Variants in EML4 observed in about 807,000 individuals in gnomAD.
EML4 encodes echinoderm microtubule-associated protein-like 4.
A neutral mutation model predicts 129.0 loss-of-function variants in EML4; 72 were observed. The observed-to-expected ratio is 0.56, with a 90% confidence interval of 0.46 to 0.68. EML4 has a LOEUF of 0.68. EML4 is among the 30% of genes least tolerant of loss of function. The probability of loss-of-function intolerance (pLI) is 0.00; values close to 1 mark genes in which losing one functional copy is unlikely to be tolerated. For synonymous variants in EML4, 532 were observed against 405.0 expected, an observed-to-expected ratio of 1.31 and a Z score of -3.77; for missense variants, 1,363 against 1,190.6, an observed-to-expected ratio of 1.14 and a Z score of -2.13.
At chr2:42,181,520 AAAC>A (rs1197794931) in intron 1 of EML4, among the ~76,000 whole-genome samples, 1 of 151,982 alleles carries the variant, frequency 6.6e-6, no homozygotes, top group Admixed American at 6.5e-5. Context: ...GGCTGGTCTC[AAAC>A]TCCTGACCTC....
intron 1 of EML4, among the ~76,000 whole-genome samples, chr2:42,221,084 C>G (rs1431466121): frequency 1.3e-5 from 2 of 152,124 alleles, no homozygotes; most frequent in East Asian, 3.8e-4. Context: ...AGCAGGTTAT[C>G]TAGAAGATTT....
intron 1 of EML4, among the ~76,000 whole-genome samples, chr2:42,182,478 A>G (rs1239000154): frequency 6.6e-6 from 1 of 151,444 alleles, no homozygotes; most frequent in African/African-American, 2.4e-5. Flanking sequence ...CTAAACTGAC[A>G]CCCCGTACTG....
At chr2:42,275,528 A>T (rs1666608065) in intron 6 of EML4, among the ~76,000 whole-genome samples, 2 of 152,242 alleles carry the variant, frequency 1.3e-5, no homozygotes, top group Non-Finnish European at 1.5e-5. Context: ...TCCAGCCCCA[A>T]CATTATATGT....
At chr2:42,283,063 G>T in intron 8 of EML4, 91 bp downstream of exon 8, 2 of 1,201,686 alleles carry the variant, frequency 1.7e-6, no homozygotes, top group Non-Finnish European at 2.3e-6. Context: ...GTGATTTCTT[G>T]TGGAAAGCTC....
chr2:42,298,106 A>T (rs370847359), intron 13 of EML4, among the ~76,000 whole-genome samples: 11 of 152,236 alleles, frequency 7.2e-5, no homozygotes, highest in African/African-American at 2.4e-4. Context: ...AACCATTAAA[A>T]TGTTCACCAT....
chr2:42,276,974 C>T (rs142510456), intron 6 of EML4, among the ~76,000 whole-genome samples: 1 of 152,160 alleles, frequency 6.6e-6, no homozygotes, highest in Non-Finnish European at 1.5e-5. Flanking sequence ...CTTTGCTTTT[C>T]TACTTGGTTT....
chr2:42,264,100 C>A lies in EML4; in HGVS notation c.642-606C>A, dbSNP rs1665906090. Among the ~76,000 whole-genome samples the A allele has an allele frequency of 1.8e-5, 2 of 109,392 alleles. 1 individual carries two copies. The highest frequency in any genetic ancestry group is 3.8e-5 in the Non-Finnish European group (2 of 53,214). The allele number at this position is 109,392 out of a possible 152,430, so 71.8% of individuals were successfully genotyped here. ...TTTAAGGCTCCCAACTCAAACAATA[C>A]GTGTTTTTTTTTTTTTTTTTTTTTT... On this transcript the variant is annotated intron_variant, in intron 5 of 22. Transcript: ENST00000318522.
At chr2:42,296,224 T>C (rs1239542253) in intron 13 of EML4, among the ~76,000 whole-genome samples, 1 of 151,826 alleles carries the variant, frequency 6.6e-6, no homozygotes, top group Non-Finnish European at 1.5e-5. Context: ...AAGAGAAAAA[T>C]TGGAGACCTG....
At chr2:42,249,691 T>C (rs1480264418) in intron 2 of EML4, among the ~76,000 whole-genome samples, 1 of 152,188 alleles carries the variant, frequency 6.6e-6, no homozygotes, top group Non-Finnish European at 1.5e-5. Context: ...TAAATATATT[T>C]CGTTGTCTTA....
Position 42,301,273 on chromosome 2 carries a change from C to T in EML4, c.1522C>T (p.His508Tyr). 2 of 1,612,556 alleles carry T rather than the reference C, an allele frequency of 1.2e-6. No individual in the cohort carries two copies. The highest frequency in any genetic ancestry group is 8.5e-7 in the Non-Finnish European group (1 of 1,179,414). ...VYQISKQIKA[H>Y]DGSVFTLCQM... The stretch of plus-strand genomic sequence containing the variant: ...TCAAATCAGCAAACAAATCAAAGCT[C>T]ATGATGGCAGTGTGTTCACACTTTG... Residue 508 changes from histidine (H) to tyrosine (Y), a missense_variant, in exon 14 of 23, where the codon CAT becomes TAT. Transcript: ENST00000318522.
intron 5 of EML4, among the ~76,000 whole-genome samples, chr2:42,264,140 C>T (rs1311183310): frequency 2.6e-5 from 3 of 114,604 alleles, no homozygotes; most frequent in African/African-American, 9.2e-5. Context: ...GAGACAGTGT[C>T]TCAGTCGTCC....
At chr2:42,179,598 A>G (rs1367124385) in intron 1 of EML4, among the ~76,000 whole-genome samples, 2 of 152,072 alleles carry the variant, frequency 1.3e-5, no homozygotes, top group Admixed American at 1.3e-4. Context: ...TAATACATAT[A>G]TGGGGGTTTT....
chr2:42,285,400 A>T (rs1177774376), intron 9 of EML4, among the ~76,000 whole-genome samples: 2 of 152,186 alleles, frequency 1.3e-5, no homozygotes, highest in Non-Finnish European at 2.9e-5. Context: ...TCTTTAAAGA[A>T]AAGGAGTAGA....
At chr2:42,295,777 A>T (rs10490554) in intron 13 of EML4, among the ~76,000 whole-genome samples, 1 of 152,114 alleles carries the variant, frequency 6.6e-6, no homozygotes, top group African/African-American at 2.4e-5. Flanking sequence ...AATGATATGG[A>T]TATATGTTAG....
intron 1 of EML4, among the ~76,000 whole-genome samples, chr2:42,205,985 T>C (rs1290540070): frequency 6.6e-6 from 1 of 152,156 alleles, no homozygotes; most frequent in East Asian, 1.9e-4. Flanking sequence ...GGACCACTCT[T>C]GCTAATCATG....
chr2:42,317,275 T>C (rs1669292681), intron 18 of EML4, 152 bp from the exon 19 acceptor site: 1 of 576,072 alleles, frequency 1.7e-6, no homozygotes, highest in East Asian at 3.0e-5. Context: ...TGACCATTTA[T>C]TTTTCAAATG....
intron 1 of EML4, among the ~76,000 whole-genome samples, chr2:42,176,206 A>G (rs1670593036): frequency 6.6e-6 from 1 of 152,184 alleles, no homozygotes; most frequent in Non-Finnish European, 1.5e-5. Flanking sequence ...ATTTTTGCCT[A>G]GGGCATTAGA....
chr2:42,245,430 G>C, intron 1 of EML4, 75 bp from the exon 2 acceptor site: 3 of 1,357,414 alleles, frequency 2.2e-6, no homozygotes, highest in Non-Finnish European at 3.0e-6. Flanking sequence ...TCTTATGTGG[G>C]ATGGTTTTTC....
chr2:42,192,233 T>TG (rs201098703), intron 1 of EML4, among the ~76,000 whole-genome samples: 1,748 of 140,510 alleles, frequency 0.012, 31 homozygotes, highest in African/African-American at 0.045. Flanking sequence ...TGTTTTTTTG[T>TG]TTTTTTTTTT....
Sources: allele counts gnomAD v4.1 joint callset (sites outside exome capture counted in the v4.1 genomes callset), GRCh38; gene constraint gnomAD v4.1.1; transcripts MANE v1.5; gene names NCBI Gene and HGNC (gene_info 2026-07-23, HGNC 2026-07-21).